The following RPH3AL variants were observed in gnomAD, a reference collection of about 807,000 sequenced individuals.
RPH3AL encodes the protein rab effector Noc2.
RPH3AL carries 38 observed loss-of-function variants against 43.1 expected under a neutral mutation model. The observed-to-expected ratio is 0.88, with a 90% confidence interval of 0.68 to 1.15. The LOEUF is 1.15. Among genes scored for constraint, RPH3AL ranks in the 50% most tolerant of loss-of-function variants. The pLI is 0.00. For missense variants in RPH3AL, 462 were observed against 423.2 expected (o/e 1.09, Z -0.81); for synonymous variants, 189 against 176.3 (o/e 1.07, Z -0.57).
intron 5 of RPH3AL, among the ~76,000 whole-genome samples, chr17:314,808 C>CCTACATTGACCTGTA (rs2043858438): frequency 6.8e-6 from 1 of 146,468 alleles, no homozygotes; most frequent in African/African-American, 2.7e-5. Context: ...CTGTACTCCA[C>CCTACATTGACCTGTA]GTCCATTGAC....
chr17:316,684 C>T (rs796706328), intron 5 of RPH3AL, among the ~76,000 whole-genome samples: 75 of 22,340 alleles, frequency 3.4e-3, no homozygotes, highest in South Asian at 9.1e-3. Context: ...CCTGCAGTCC[C>T]TGTGCCCCAC....
At chr17:223,196 G>GA (rs11370789) in intron 7 of RPH3AL, among the ~76,000 whole-genome samples, 108,321 of 144,594 alleles carry the variant, frequency 0.75, 40,495 homozygotes, top group South Asian at 0.84. Flanking sequence ...TCTCAAAAAA[G>GA]AAAAAAAAAA....
At chr17:312,514 G>A (rs4074626) in intron 5 of RPH3AL, among the ~76,000 whole-genome samples, 10,641 of 152,248 alleles carry the variant, frequency 0.07, 688 homozygotes, top group African/African-American at 0.17. Context: ...TATTAGGGCG[G>A]TCTGAGCTGA....
At chr17:259,149 A>C (rs2042141906) in intron 6 of RPH3AL, among the ~76,000 whole-genome samples, 1 of 152,088 alleles carries the variant, frequency 6.6e-6, no homozygotes, top group African/African-American at 2.4e-5. Context: ...TCCAGGTGGA[A>C]GGTCTAAGAG....
At chr17:320,410 C>T (rs535841556) in intron 4 of RPH3AL, among the ~76,000 whole-genome samples, 5 of 151,938 alleles carry the variant, frequency 3.3e-5, no homozygotes, top group South Asian at 4.1e-4. Context: ...CTGAGGCAGG[C>T]GGATCGCTTG....
rs1178435008 is a variant in RPH3AL at position 289,901 on chromosome 17, T to A, written c.352-8047A>T. Among the ~76,000 whole-genome samples, 1 of 152,190 alleles carries A rather than the reference T, an allele frequency of 6.6e-6. No homozygotes were observed. The highest frequency in any genetic ancestry group is 2.4e-5 in the African/African-American group (1 of 41,440). ...AGAGCCTCCAGAATGGGCTCCTGCC[T>A]CTTCTCCGCTGTCAAGGTTGTGATT... On this transcript the variant is annotated intron_variant, in intron 5 of 9. Transcript: ENST00000331302. The surrounding 1 kb of genome is among the most constrained non-coding windows in gnomAD (Gnocchi z 5.2).
At chr17:314,492 CCCTA>C (rs2043797383) in intron 5 of RPH3AL, among the ~76,000 whole-genome samples, 2 of 141,590 alleles carry the variant, frequency 1.4e-5, no homozygotes, top group Admixed American at 1.4e-4. Context: ...GACCTGTAGT[CCCTA>C]TACTCCACGT....
rs2044537927 is a variant in RPH3AL, at chr17:323,563, G to A, written c.78-2148C>T. 6.6e-6 allele frequency among the ~76,000 whole-genome samples: 1 copy of A among 152,174 alleles called. No individual in the cohort carries two copies. The highest frequency in any genetic ancestry group is 2.4e-5 in the African/African-American group (1 of 41,432). ...ACACTTCGTGTGGTTCCCGGGCCAG[G>A]GGAAGGGAGTTGGAAGCCAGGGCCC... On this transcript the variant is annotated intron_variant, in intron 3 of 9. Coordinates refer to ENST00000331302, the MANE Select transcript of RPH3AL (RefSeq NM_006987.4). The surrounding 1 kb of genome is among the most constrained non-coding windows in gnomAD (Gnocchi z 4.4).
rs565561319 is a variant in RPH3AL at position 258,158 on chromosome 17, G to A, written c.439-10873C>T. Among the ~76,000 whole-genome samples, 5 of 152,282 alleles carry A rather than the reference G, an allele frequency of 3.3e-5. No individual in the cohort carries two copies. The South Asian group carries it at 1.0e-3, about 32-fold the overall frequency. On this transcript the variant is annotated intron_variant, in intron 6 of 9. Coordinates refer to ENST00000331302, the MANE Select transcript of RPH3AL (RefSeq NM_006987.4). ...TTTTGTCGTCTGTTCATAGGTACGTGGGGTGCTTCCCCCTTTTCGCTGGTC... is the reference window on the plus strand; with the variant it reads ...TTTTGTCGTCTGTTCATAGGTACGTAGGGTGCTTCCCCCTTTTCGCTGGTC...
At chr17:316,658 G>GC (rs2044221567) in intron 5 of RPH3AL, among the ~76,000 whole-genome samples, 1 of 128,172 alleles carries the variant, frequency 7.8e-6, no homozygotes, top group Non-Finnish European at 1.6e-5. Flanking sequence ...CAGTGCCTGT[G>GC]CTCCACCTCC....
chr17:327,394 A>G, intron 3 of RPH3AL, 73 bp downstream of exon 3: 1 of 1,344,748 alleles, frequency 7.4e-7, no homozygotes, highest in South Asian at 1.2e-5. Context: ...CTGGGAATGA[A>G]TCTTGCTGAA....
chr17:226,781 G>C (rs2041116773), intron 7 of RPH3AL, among the ~76,000 whole-genome samples: 1 of 152,200 alleles, frequency 6.6e-6, no homozygotes, highest in Non-Finnish European at 1.5e-5. Context: ...CATAGCAGCT[G>C]TGATTGTCAG....
chr17:227,383 T>C (rs545284121), intron 7 of RPH3AL, among the ~76,000 whole-genome samples: 4 of 152,288 alleles, frequency 2.6e-5, no homozygotes, highest in Non-Finnish European at 5.9e-5. Flanking sequence ...TCAAAGGACA[T>C]GGGCGGCAGC....
chr17:241,258 C>A (rs2041526880), intron 7 of RPH3AL, among the ~76,000 whole-genome samples: 1 of 150,948 alleles, frequency 6.6e-6, no homozygotes, highest in Non-Finnish European at 1.5e-5. Flanking sequence ...TTGGTAGGTG[C>A]AGTGGTGTGC....
intron 2 of RPH3AL, among the ~76,000 whole-genome samples, chr17:327,793 G>C (rs2151709327): frequency 6.6e-6 from 1 of 152,314 alleles, no homozygotes; most frequent in Admixed American, 6.5e-5. Context: ...GGGTGACCAG[G>C]TGGATCATGT....
chr17:284,916 C>T (rs62052705), intron 5 of RPH3AL, among the ~76,000 whole-genome samples: 3,095 of 152,284 alleles, frequency 0.02, 54 homozygotes, highest in Non-Finnish European at 0.032. Context: ...TGTACCCTCC[C>T]ACAGTAGAGT....
chr17:226,074 T>C (rs2041100544), intron 7 of RPH3AL, among the ~76,000 whole-genome samples: 2 of 152,220 alleles, frequency 1.3e-5, no homozygotes, highest in Non-Finnish European at 2.9e-5. Flanking sequence ...ACAGCAACCC[T>C]GGAGGTGGAG....
chr17:231,345 G>T (rs4890194), intron 7 of RPH3AL, among the ~76,000 whole-genome samples: 114,594 of 152,088 alleles, frequency 0.75, 43,457 homozygotes, highest in South Asian at 0.81. Context: ...CTCCTGTCTA[G>T]CCCAGGAGCA....
intron 5 of RPH3AL, among the ~76,000 whole-genome samples, chr17:282,597 T>C (rs937098027): frequency 3.3e-5 from 5 of 152,198 alleles, no homozygotes; most frequent in African/African-American, 1.2e-4. Context: ...TTAAGCAAGG[T>C]TGATTAAGCT....
Sources: allele counts gnomAD v4.1 joint callset (sites outside exome capture counted in the v4.1 genomes callset), GRCh38; gene constraint gnomAD v4.1.1; non-coding constraint Gnocchi (gnomAD v3.1); transcripts MANE v1.5; gene names NCBI Gene and HGNC (gene_info 2026-07-23, HGNC 2026-07-21).